VAV3: variants seen among roughly 807,000 people sequenced by gnomAD.
VAV3 encodes the protein guanine nucleotide exchange factor VAV3.
In VAV3, 94 loss-of-function variants were observed where a neutral mutation model predicts 131.2. That is an observed-to-expected ratio of 0.72 (90% CI 0.61 to 0.85). The LOEUF is 0.85. Among genes scored for constraint, VAV3 ranks in the 40% least tolerant of loss-of-function variants. The pLI is 0.00. For missense variants in VAV3, 939 were observed against 1,002.7 expected (o/e 0.94, Z 0.86); for synonymous variants, 349 against 342.0 (o/e 1.02, Z -0.22).
At chr1:107,710,496 C>A (rs2101875307) in intron 15 of VAV3, among the ~76,000 whole-genome samples, 1 of 152,106 alleles carries the variant, frequency 6.6e-6, no homozygotes, top group Non-Finnish European at 1.5e-5. Flanking sequence ...CCAACAGATA[C>A]CAAATACAGA....
chr1:107,933,882 T>C (rs1458825260), intron 1 of VAV3, among the ~76,000 whole-genome samples: 1 of 151,872 alleles, frequency 6.6e-6, no homozygotes, highest in Non-Finnish European at 1.5e-5. Context: ...ATGCTATCTG[T>C]AGGTAAAGCA....
chr1:107,745,367 C>T (rs1663276029), intron 15 of VAV3, among the ~76,000 whole-genome samples: 1 of 151,948 alleles, frequency 6.6e-6, no homozygotes, highest in African/African-American at 2.4e-5. Context: ...CATATCAGTC[C>T]TGCTACCACT....
Position 107,689,573 on chromosome 1 carries a change from A to G in VAV3, c.1706-1167T>C, listed in dbSNP as rs893472945. 2.0e-5 allele frequency among the ~76,000 whole-genome samples: 3 copies of G among 151,090 alleles called. No homozygotes were observed. In the South Asian group the frequency reaches 6.2e-4, roughly 31 times the overall value. On this transcript the variant is annotated intron_variant, in intron 17 of 26. Coordinates refer to ENST00000370056, the MANE Select transcript of VAV3 (RefSeq NM_006113.5). Reference sequence around the variant, plus strand: ...TCTGATTAATGGAAATGGAAGATCCATGGGCAGAAAGTCACCTTCAGAAGA... The same window carrying G: ...TCTGATTAATGGAAATGGAAGATCCGTGGGCAGAAAGTCACCTTCAGAAGA...
At chr1:107,690,135 A>G (rs1167078500) in intron 17 of VAV3, among the ~76,000 whole-genome samples, 1 of 152,194 alleles carries the variant, frequency 6.6e-6, no homozygotes, top group East Asian at 1.9e-4. Flanking sequence ...CCTGAATTTC[A>G]ATTCAAAAAT....
intron 2 of VAV3, among the ~76,000 whole-genome samples, chr1:107,786,581 T>G (rs2102255876): frequency 6.6e-6 from 1 of 152,370 alleles, no homozygotes; most frequent in Admixed American, 6.5e-5. Flanking sequence ...CTGCTATTTC[T>G]AACGTCATCA....
In VAV3 at chr1:107,816,782, T is replaced by C. The variant is rs544692409; in HGVS notation, c.322-37290A>G. Among the ~76,000 whole-genome samples, 9 of 152,350 alleles carry C rather than the reference T, an allele frequency of 5.9e-5. No individual in the cohort carries two copies. In the East Asian group the frequency reaches 1.5e-3, roughly 26 times the overall value. On this transcript the variant is annotated intron_variant, in intron 2 of 26. Coordinates refer to ENST00000370056, the MANE Select transcript of VAV3 (RefSeq NM_006113.5). The stretch of plus-strand genomic sequence containing the variant: ...TTTTAGAGCTAAAAGAAATCTATAA[T>C]AATGTTTATTCAAACCCTCTTATTT...
chr1:107,928,867 A>C (rs923259747), intron 1 of VAV3, among the ~76,000 whole-genome samples: 7 of 152,218 alleles, frequency 4.6e-5, no homozygotes, highest in African/African-American at 1.4e-4. Flanking sequence ...GAACTTCCCA[A>C]TGTAGAGAAA....
At chr1:107,685,582 C>T (rs988948576) in intron 18 of VAV3, among the ~76,000 whole-genome samples, 2 of 152,072 alleles carry the variant, frequency 1.3e-5, no homozygotes, top group African/African-American at 4.8e-5. Flanking sequence ...AAAACAGAAA[C>T]CTTTCTACAG....
At position 107,841,763 on chromosome 1, in the gene VAV3, G is replaced by A. The variant is rs139958101; in HGVS notation, c.321+33138C>T. 3.3e-3 allele frequency among the ~76,000 whole-genome samples: 508 copies of A among 152,204 alleles called. 3 individuals carry two copies. The highest frequency in any genetic ancestry group is 3.4e-3 in the Middle Eastern group (1 of 294). On this transcript the variant is annotated intron_variant, in intron 2 of 26. Transcript: ENST00000370056. ...CATCACTTTAGACACTTGAAATGAGGCTAGTCTAAATTGCTATGTGCTGTA... is the reference window on the plus strand; with the variant it reads ...CATCACTTTAGACACTTGAAATGAGACTAGTCTAAATTGCTATGTGCTGTA...
intron 15 of VAV3, among the ~76,000 whole-genome samples, chr1:107,745,968 C>A (rs1663317756): frequency 6.6e-6 from 1 of 152,172 alleles, no homozygotes. Context: ...TGTGGAGATA[C>A]ACAAGGCTTG....
rs1185628102 is a variant in VAV3 at position 107,857,644 on chromosome 1, G to A, written c.321+17257C>T. On this transcript the variant is annotated intron_variant, in intron 2 of 26. Transcript: ENST00000370056. ...GGTATGTTCTTTTGGACAAATCTGG[G>A]CTTTGTATTTTTTTTCTGTAACAAA... 3.9e-5 allele frequency among the ~76,000 whole-genome samples: 6 copies of A among 151,974 alleles called. No homozygotes were observed. The South Asian group carries it at 1.0e-3, about 26-fold the overall frequency.
chr1:107,672,950 A>G (rs1207908504), intron 19 of VAV3, among the ~76,000 whole-genome samples: 1 of 152,208 alleles, frequency 6.6e-6, no homozygotes, highest in Non-Finnish European at 1.5e-5. Context: ...ATTCAATGTA[A>G]CATTTCTAAA....
At chr1:107,885,835 C>G (rs1459895421) in intron 1 of VAV3, among the ~76,000 whole-genome samples, 1 of 152,164 alleles carries the variant, frequency 6.6e-6, no homozygotes, top group Non-Finnish European at 1.5e-5. Context: ...AATATTCTGT[C>G]TCTTATATGG....
At chr1:107,896,705 G>A (rs1671597817) in intron 1 of VAV3, among the ~76,000 whole-genome samples, 1 of 128,620 alleles carries the variant, frequency 7.8e-6, no homozygotes, top group Non-Finnish European at 1.6e-5. Context: ...TAAAAAGACT[G>A]GCAATTTTGT....
intron 15 of VAV3, among the ~76,000 whole-genome samples, chr1:107,748,172 T>TGGTA (rs1381513573): frequency 6.6e-6 from 1 of 152,206 alleles, no homozygotes; most frequent in Middle Eastern, 3.2e-3. Context: ...TGTCAACAAA[T>TGGTA]GGTATATAAT....
intron 20 of VAV3, among the ~76,000 whole-genome samples, chr1:107,634,360 A>G (rs1281069634): frequency 6.6e-6 from 1 of 152,224 alleles, no homozygotes; most frequent in Non-Finnish European, 1.5e-5. Context: ...TGACAAAAAG[A>G]AGAAATAGGG....
chr1:107,631,051 G>A (rs1654432792), intron 20 of VAV3, among the ~76,000 whole-genome samples: 1 of 152,008 alleles, frequency 6.6e-6, no homozygotes, highest in African/African-American at 2.4e-5. Context: ...ATCAAGTTCG[G>A]TACAAAGACT....
At chr1:107,962,724 G>A (rs985336440) in intron 1 of VAV3, among the ~76,000 whole-genome samples, 2 of 152,160 alleles carry the variant, frequency 1.3e-5, no homozygotes, top group African/African-American at 4.8e-5. Flanking sequence ...CCTCTCATAG[G>A]ACATTACAGG....
intron 17 of VAV3, among the ~76,000 whole-genome samples, chr1:107,702,933 A>G (rs1660223178): frequency 6.6e-6 from 1 of 152,208 alleles, no homozygotes. Flanking sequence ...TTACAAAATG[A>G]ATAAACAAAA....
Sources: allele counts gnomAD v4.1 joint callset (sites outside exome capture counted in the v4.1 genomes callset), GRCh38; gene constraint gnomAD v4.1.1; transcripts MANE v1.5; gene names NCBI Gene and HGNC (gene_info 2026-07-23, HGNC 2026-07-21).